The following SPATA17 variants were observed in gnomAD, a reference collection of about 807,000 sequenced individuals.
The protein encoded by SPATA17 is spermatogenesis associated 17.
Under a neutral mutation model 62.2 loss-of-function variants are expected in SPATA17, and 53 were observed. The observed-to-expected ratio is 0.85, with a 90% confidence interval of 0.68 to 1.07. The LOEUF is 1.07. Ranked by LOEUF, SPATA17 falls within the 50% of genes least tolerant of loss-of-function variation. SPATA17 has a pLI of 0.00. For missense variants in SPATA17, 466 were observed against 425.5 expected, an observed-to-expected ratio of 1.10 and a Z score of -0.84; for synonymous variants, 146 against 146.8, an observed-to-expected ratio of 0.99 and a Z score of 0.04.
chr1:217,766,170 A>G (rs1673295082), intron 6 of SPATA17, among the ~76,000 whole-genome samples: 1 of 151,966 alleles, frequency 6.6e-6, no homozygotes, highest in Admixed American at 6.6e-5. Context: ...GTGATTATTG[A>G]TATTAGTTAC....
At chr1:217,780,886 T>G (rs1235337180) in intron 7 of SPATA17, among the ~76,000 whole-genome samples, 1 of 152,110 alleles carries the variant, frequency 6.6e-6, no homozygotes, top group Non-Finnish European at 1.5e-5. Context: ...ACTTTGCTCC[T>G]TGTCATAAAA....
intron 9 of SPATA17, among the ~76,000 whole-genome samples, chr1:217,803,833 C>T (rs977117432): frequency 1.3e-5 from 2 of 152,114 alleles, no homozygotes; most frequent in Admixed American, 6.5e-5. Context: ...GCATGGCCAA[C>T]TTGGTGAAAC....
Position 217,871,150 on chromosome 1 carries a change from T to C in SPATA17, c.*4131T>C, listed in dbSNP as rs1272816542. ...TATGATTGCTGCTTGCGTAAAGTGT[T>C]CCTTTTGGGAAATAAATAATCTTTC... On this transcript the variant is annotated 3_prime_UTR_variant, in exon 11 of 11. Coordinates refer to ENST00000366933, the MANE Select transcript of SPATA17 (RefSeq NM_138796.4). 1.3e-5 allele frequency: 2 copies of C among 152,176 alleles called. No individual in the cohort carries two copies. The highest frequency in any genetic ancestry group is 6.6e-5 in the Admixed American group (1 of 15,258). The allele number at this position is 152,176 out of a possible 1,614,324, so 9.4% of individuals were successfully genotyped here. A position where few individuals can be genotyped will look rare whatever the true frequency, so the allele number is the denominator to read the frequency against.
At chr1:217,809,391 C>G (rs750399482) in intron 9 of SPATA17, among the ~76,000 whole-genome samples, 1 of 152,066 alleles carries the variant, frequency 6.6e-6, no homozygotes, top group Non-Finnish European at 1.5e-5. Context: ...ATACCTGAGA[C>G]TAAGTAATTT....
At chr1:217,822,308 C>A (rs915284391) in intron 9 of SPATA17, among the ~76,000 whole-genome samples, 2 of 151,866 alleles carry the variant, frequency 1.3e-5, no homozygotes, top group African/African-American at 4.8e-5. Context: ...GTTTTGATAA[C>A]AATTTATTCT....
At chr1:217,759,974 G>A (rs533031370) in intron 6 of SPATA17, among the ~76,000 whole-genome samples, 29 of 152,132 alleles carry the variant, frequency 1.9e-4, no homozygotes, top group African/African-American at 5.5e-4. Context: ...TTATGTATTC[G>A]AAAGTACAAA....
At chr1:217,861,344 A>G (rs1675893371) in intron 9 of SPATA17, among the ~76,000 whole-genome samples, 1 of 150,478 alleles carries the variant, frequency 6.6e-6, no homozygotes, top group Non-Finnish European at 1.5e-5. Flanking sequence ...CTTTTAACAT[A>G]TCTTGCAAGG....
intron 1 of SPATA17, among the ~76,000 whole-genome samples, chr1:217,647,751 T>G (rs1057464664): frequency 1.3e-5 from 2 of 151,738 alleles, no homozygotes; most frequent in Non-Finnish European, 2.9e-5. Context: ...TGAGACAGAG[T>G]CTTGCTCTGT....
At chr1:217,658,119 G>A (rs563670558) in intron 3 of SPATA17, among the ~76,000 whole-genome samples, 8 of 152,246 alleles carry the variant, frequency 5.3e-5, no homozygotes, top group African/African-American at 1.9e-4. Flanking sequence ...GATTTGGGTG[G>A]GGACACAGCC....
rs1671671783 is a variant in SPATA17 at position 217,704,152 on chromosome 1, AT to A, written c.395+20797del. ...CATGTCACAGTGGTTGGGTGTACAG[AT>A]TTTTTCGCCACCCAGATGATAAGTA... On this transcript the variant is annotated intron_variant, in intron 5 of 10. Coordinates refer to ENST00000366933, the MANE Select transcript of SPATA17 (RefSeq NM_138796.4). Among the ~76,000 whole-genome samples the A allele has an allele frequency of 1.1e-4, 15 of 131,502 alleles. No homozygotes were observed. The South Asian group carries it at 4.1e-3, about 36-fold the overall frequency. 86.3% of individuals were successfully genotyped at this position (131,502 alleles called of 152,430 possible).
At chr1:217,851,186 A>G (rs1005761044) in intron 9 of SPATA17, among the ~76,000 whole-genome samples, 1 of 152,128 alleles carries the variant, frequency 6.6e-6, no homozygotes, top group Non-Finnish European at 1.5e-5. Flanking sequence ...TTCTTGTCTC[A>G]GTTTTCCTGA....
At chr1:217,728,965 A>C (rs1209137076) in intron 5 of SPATA17, among the ~76,000 whole-genome samples, 1 of 152,086 alleles carries the variant, frequency 6.6e-6, no homozygotes, top group African/African-American at 2.4e-5. Context: ...CCCCAAGTTC[A>C]CTCCAATAAT....
chr1:217,737,299 C>T (rs903031347), intron 5 of SPATA17, among the ~76,000 whole-genome samples: 3 of 152,098 alleles, frequency 2.0e-5, no homozygotes, highest in Admixed American at 1.3e-4. Flanking sequence ...CTCTTGAAAG[C>T]AGAACATAAA....
chr1:217,749,985 C>CTCTCTCTCTCTATATATATA, intron 6 of SPATA17, among the ~76,000 whole-genome samples: 22 of 12,310 alleles, frequency 1.8e-3, no homozygotes, highest in Non-Finnish European at 2.4e-3. Context: ...CTCTCTCTCT[C>CTCTCTCTCTCTATATATATA]TATATATATA....
At chr1:217,699,874 G>T (rs181637719) in intron 5 of SPATA17, among the ~76,000 whole-genome samples, 2 of 151,966 alleles carry the variant, frequency 1.3e-5, no homozygotes, top group Admixed American at 1.3e-4. Context: ...TAGTTCATTT[G>T]TGACAATGGA....
intron 6 of SPATA17, 107 bp from the exon 7 acceptor site, chr1:217,774,227 A>G (rs1673530541): frequency 3.5e-6 from 3 of 865,412 alleles, no homozygotes; most frequent in Non-Finnish European, 5.3e-6. Flanking sequence ...CCACAGTTGT[A>G]GTTTAAAATA....
intron 6 of SPATA17, among the ~76,000 whole-genome samples, chr1:217,772,027 C>A (rs1292674714): frequency 6.6e-6 from 1 of 152,148 alleles, no homozygotes; most frequent in Non-Finnish European, 1.5e-5. Flanking sequence ...ATTAGATCAT[C>A]ACTGATGAGA....
intron 9 of SPATA17, among the ~76,000 whole-genome samples, chr1:217,802,974 G>A (rs577936789): frequency 3.3e-5 from 5 of 152,028 alleles, no homozygotes; most frequent in Non-Finnish European, 7.4e-5. Context: ...GTGCAATGGC[G>A]CAATCTTGGC....
At chr1:217,669,808 T>C (rs1670793364) in intron 4 of SPATA17, among the ~76,000 whole-genome samples, 2 of 152,146 alleles carry the variant, frequency 1.3e-5, no homozygotes, top group African/African-American at 4.8e-5. Flanking sequence ...TGAGGCAAGG[T>C]AGTAAAATCC....
Sources: gnomAD v4.1 joint callset for allele counts (sites outside exome capture counted in the v4.1 genomes callset) on GRCh38, gnomAD v4.1.1 for gene constraint, MANE v1.5 for transcripts, NCBI Gene and HGNC (gene_info 2026-07-23, HGNC 2026-07-21) for gene names.